Variants in RRAGB observed in about 807,000 individuals in gnomAD.
RRAGB encodes the protein Ras related GTP binding B, also known as ras-related GTP-binding protein B.
RRAGB carries 6 observed loss-of-function variants against 29.3 expected under a neutral mutation model. The observed-to-expected ratio is 0.21, with a 90% CI of 0.11 to 0.40. The LOEUF is 0.40. RRAGB is among the 10% of genes least tolerant of loss of function. The pLI is 1.00. For missense variants in RRAGB, 184 were observed against 272.9 expected (o/e 0.67, Z 2.29); for synonymous variants, 101 against 92.5 (o/e 1.09, Z -0.53).
chrX:55,751,082 G>T lies in RRAGB; in HGVS notation c.517-19G>T. The stretch of plus-strand genomic sequence containing the variant: ...GGAACTATTATATGCTGATCAGTAT[G>T]TTGGGCTTTTTAATTTAGATTTTTA... On this transcript the variant is annotated intron_variant, in intron 5 of 9. Coordinates refer to ENST00000374941, the MANE Select transcript of RRAGB (RefSeq NM_006064.5). 1 of 1,008,365 alleles carries T rather than the reference G, an allele frequency of 9.9e-7. No individual in the cohort carries two copies. The highest frequency in any genetic ancestry group is 1.4e-6 in the Non-Finnish European group (1 of 714,199). The allele number at this position is 1,008,365 out of a possible 1,213,427, so 83.1% of individuals were successfully genotyped here.
intron 2 of RRAGB, among the ~76,000 whole-genome samples, chrX:55,720,974 A>T (rs1277867520): frequency 8.9e-6 from 1 of 112,425 alleles, no homozygotes; most frequent in Non-Finnish European, 1.9e-5. Context: ...CTCAAAAGTC[A>T]CTTTACTAAA....
Position 55,731,344 on chromosome X carries a change from A to G in RRAGB, c.294-20A>G, listed in dbSNP as rs2296861. On this transcript the variant is annotated intron_variant, in intron 4 of 9. Transcript: ENST00000374941. ...ATTGAATTGAGGATTTGCTTACTAT[A>G]TATATATTTTTTCTATCAGGCAAGA... The G allele has an allele frequency of 0.012, 13,584 of 1,117,337 alleles. 771 individuals are homozygous for G. The East Asian group carries it at 0.17, about 14-fold the overall frequency. 92.1% of individuals were successfully genotyped at this position (1,117,337 alleles called of 1,213,427 possible). A position where few individuals can be genotyped will look rare whatever the true frequency, so the allele number is the denominator to read the frequency against.
At chrX:55,750,727 A>G (rs1024322946) in intron 5 of RRAGB, among the ~76,000 whole-genome samples, 4 of 112,026 alleles carry the variant, frequency 3.6e-5, no homozygotes, top group African/African-American at 1.3e-4. Flanking sequence ...AAAGATATAT[A>G]CAAGGGTTAA....
chrX:55,747,386 G>T lies in RRAGB; in HGVS notation c.517-3715G>T, dbSNP rs1375339484. On this transcript the variant is annotated intron_variant, in intron 5 of 9. Transcript: ENST00000374941. ...TGTAATTCATCCACTTAAAGGATGA[G>T]ATTCTGAATTTGGTTTCATCAGTCT... Among the ~76,000 whole-genome samples the T allele has an allele frequency of 6.2e-5, 7 of 112,179 alleles. No homozygotes were observed. The Admixed American group carries it at 6.6e-4, about 11-fold the overall frequency.
chrX:55,747,779 C>T (rs1401907099), intron 5 of RRAGB, among the ~76,000 whole-genome samples: 3 of 110,358 alleles, frequency 2.7e-5, no homozygotes, highest in Non-Finnish European at 5.7e-5. Flanking sequence ...ACCCCAGAAC[C>T]AATTTAGAAA....
In RRAGB at chrX:55,758,243, C is replaced by T; in HGVS notation, c.944-3C>T. 1.7e-6 allele frequency: 2 copies of T among 1,194,880 alleles called. No homozygotes were observed. The highest frequency in any genetic ancestry group is 3.0e-5 in the East Asian group (1 of 33,616). On this transcript the variant is annotated splice_polypyrimidine_tract_variant and splice_region_variant and intron_variant, in intron 9 of 9. Transcript: ENST00000374941. The stretch of plus-strand genomic sequence containing the variant: ...TGTTGGGTGTTTCCGCCCCCGCCCT[C>T]AGCTTCTGCAGCTACTCTGATCAAC...
chrX:55,754,567 C>G (rs1209424569), intron 7 of RRAGB, among the ~76,000 whole-genome samples: 1 of 112,034 alleles, frequency 8.9e-6, no homozygotes, highest in African/African-American at 3.2e-5. Flanking sequence ...TGTTTTCCTT[C>G]TACAAATATC....
intron 7 of RRAGB, among the ~76,000 whole-genome samples, chrX:55,753,889 T>C (rs1329878123): frequency 9.0e-6 from 1 of 111,501 alleles, no homozygotes; most frequent in Non-Finnish European, 1.9e-5. Flanking sequence ...TACCAAAAAA[T>C]ACAAAATTAG....
At chrX:55,726,077 G>A (rs1822475322) in intron 3 of RRAGB, among the ~76,000 whole-genome samples, 1 of 109,989 alleles carries the variant, frequency 9.1e-6, no homozygotes. Context: ...AAGTTAGATA[G>A]TAGGAACTGA....
intron 5 of RRAGB, among the ~76,000 whole-genome samples, chrX:55,749,439 T>C (rs554952509): frequency 3.2e-4 from 28 of 88,129 alleles, no homozygotes; most frequent in African/African-American, 4.3e-4. Context: ...CCCGGCCAGC[T>C]GCCCCGTCCG....
In RRAGB at chrX:55,722,232, C is replaced by T; in HGVS notation, c.173C>T (p.Ser58Phe). The change falls in exon 3 of 10, where the codon TCT becomes TTT. Residue 58 changes from serine to phenylalanine, a missense_variant. Ser to Phe is a radical substitution (Grantham distance 155). Coordinates refer to ENST00000374941, the MANE Select transcript of RRAGB (RefSeq NM_006064.5). Reference sequence around the variant, plus strand: ...GGGTCTGGTAAGACCAGCATGAGGTCTATTATCTTTGCAAATTATATTGCC... The same window carrying T: ...GGGTCTGGTAAGACCAGCATGAGGTTTATTATCTTTGCAAATTATATTGCC... ...KSGSGKTSMR[S>F]IIFANYIARD... The T allele has an allele frequency of 8.3e-7, 1 of 1,198,085 alleles. No homozygotes were observed. Among genetic ancestry groups the T allele is most frequent in the Non-Finnish European group, 1.1e-6 (1 of 884,738 alleles).
At chrX:55,748,790 G>A (rs1370187230) in intron 5 of RRAGB, among the ~76,000 whole-genome samples, 13 of 108,662 alleles carry the variant, frequency 1.2e-4, no homozygotes, top group Non-Finnish European at 1.9e-4. Flanking sequence ...AGGTGGGGGG[G>A]TCAGCCCCCC....
At chrX:55,727,457 A>G (rs957676742) in intron 3 of RRAGB, 5 of 524,690 alleles carry the variant, frequency 9.5e-6, no homozygotes, top group East Asian at 3.5e-5. Flanking sequence ...TTGAGCACCT[A>G]CTATGTGCCA....
At chrX:55,721,422 A>G (rs2033275100) in intron 2 of RRAGB, among the ~76,000 whole-genome samples, 1 of 112,233 alleles carries the variant, frequency 8.9e-6, no homozygotes, top group Non-Finnish European at 1.9e-5. Context: ...GATAACTGCA[A>G]TTTAGCTGAA....
At position 55,729,363 on chromosome X, in the gene RRAGB, A is replaced by G. The variant is rs764470852; in HGVS notation, c.293+3A>G. The stretch of plus-strand genomic sequence containing the variant: ...TTGAACCTGTGGGATTGTGGTGGGT[A>G]AGTACCATCTGCTTACTTGTTTGTG... On this transcript the variant is annotated splice_donor_region_variant and intron_variant, in intron 4 of 9. Coordinates refer to ENST00000374941, the MANE Select transcript of RRAGB (RefSeq NM_006064.5). 29 of 1,173,079 alleles carry G rather than the reference A, an allele frequency of 2.5e-5. No homozygotes were observed. The highest frequency in any genetic ancestry group is 3.2e-5 in the Non-Finnish European group (28 of 862,159).
intron 7 of RRAGB, among the ~76,000 whole-genome samples, chrX:55,753,825 A>G (rs1176125911): frequency 1.8e-5 from 2 of 112,000 alleles, no homozygotes; most frequent in Non-Finnish European, 3.8e-5. Context: ...CGGGTGGATC[A>G]CCTGAGGTCG....
At chrX:55,727,361 T>C (rs1371026341) in intron 3 of RRAGB, 1 of 895,790 alleles carries the variant, frequency 1.1e-6, no homozygotes. Flanking sequence ...ACCTACTCTC[T>C]CGTAGACTCT....
At chrX:55,733,741 T>C (rs1206315936) in intron 5 of RRAGB, among the ~76,000 whole-genome samples, 1 of 111,820 alleles carries the variant, frequency 8.9e-6, no homozygotes, top group Non-Finnish European at 1.9e-5. Flanking sequence ...TTATGTTCAT[T>C]GAGTATATTG....
chrX:55,747,385 A>C (rs2034279403), intron 5 of RRAGB, among the ~76,000 whole-genome samples: 1 of 112,181 alleles, frequency 8.9e-6, no homozygotes, highest in Admixed American at 9.4e-5. Flanking sequence ...TTAAAGGATG[A>C]GATTCTGAAT....
Sources: gnomAD v4.1 joint callset for allele counts (sites outside exome capture counted in the v4.1 genomes callset) on GRCh38, gnomAD v4.1.1 for gene constraint, MANE v1.5 for transcripts, NCBI Gene and HGNC (gene_info 2026-07-23, HGNC 2026-07-21) for gene names.